The following ALOXE3 variants were observed in gnomAD, a reference collection of about 807,000 sequenced individuals.
ALOXE3 encodes hydroperoxide isomerase ALOXE3.
In ALOXE3, 78 loss-of-function variants were observed where a neutral mutation model predicts 87.5. The ratio of observed to expected loss-of-function variants is 0.89; its 90% CI spans 0.74 to 1.08. The LOEUF (loss-of-function observed/expected upper bound fraction) is 1.08. Ranked by LOEUF, ALOXE3 falls within the 50% of genes least tolerant of loss-of-function variation. The pLI is 0.00. For synonymous variants in ALOXE3, 363 were observed against 370.8 expected (o/e 0.98, Z 0.24); for missense variants, 946 against 912.4 (o/e 1.04, Z -0.47).
chr17:8,111,268 C>A, intron 8 of ALOXE3, 91 bp downstream of exon 8: 1 of 1,522,156 alleles, frequency 6.6e-7, no homozygotes. Flanking sequence ...CAGCCCAGGC[C>A]ATTTCCATAC....
intron 13 of ALOXE3, among the ~76,000 whole-genome samples, 182 bp downstream of exon 13, chr17:8,108,286 G>A (rs1288187202): frequency 6.6e-6 from 1 of 152,186 alleles, no homozygotes; most frequent in African/African-American, 2.4e-5. Context: ...GGAGACAGTC[G>A]GAGCTGGCTC....
intron 13 of ALOXE3, among the ~76,000 whole-genome samples, chr17:8,108,057 A>T (rs537573379): frequency 6.7e-6 from 1 of 149,644 alleles, no homozygotes; most frequent in South Asian, 2.1e-4. Context: ...GAAAGAAAGA[A>T]AGAAAGAAAG....
At chr17:8,105,255 T>C (rs1239014935) in intron 13 of ALOXE3, among the ~76,000 whole-genome samples, 5 of 152,200 alleles carry the variant, frequency 3.3e-5, no homozygotes, top group Non-Finnish European at 1.5e-5. Flanking sequence ...AGTTCTCAAA[T>C]GCACCAGCAC....
chr17:8,110,037 G>A, intron 10 of ALOXE3, 35 bp from the exon 11 acceptor site: 1 of 1,572,966 alleles, frequency 6.4e-7, no homozygotes. Flanking sequence ...GCTGAAGGCC[G>A]GGGACAAGGC....
At chr17:8,104,059 G>A in intron 14 of ALOXE3, 56 bp downstream of exon 14, 1 of 1,504,858 alleles carries the variant, frequency 6.6e-7, no homozygotes, top group Non-Finnish European at 9.2e-7. Context: ...CCAAATTCAG[G>A]CCTCAAGTCC....
chr17:8,118,796 C>T (rs908419647), upstream of ALOXE3: 2 of 1,537,022 alleles, frequency 1.3e-6, no homozygotes. Context: ...GCTCCAGGAC[C>T]GCCCTGGGCC....
Position 8,118,138 on chromosome 17 carries a change from C to G in ALOXE3, c.-148G>C. On this transcript the variant is annotated 5_prime_UTR_variant, in exon 2 of 16. Coordinates refer to ENST00000448843, the MANE Select transcript of ALOXE3 (RefSeq NM_021628.3). ...GGTAGGGCTGAGGATGGGCCCAGCT[C>G]TCTCTGGGATGTTCCTGGGCTTTCT... 1 of 1,551,536 alleles carries G rather than the reference C, an allele frequency of 6.4e-7. No individual in the cohort carries two copies. Among genetic ancestry groups the G allele is most frequent in the Non-Finnish European group, 8.7e-7 (1 of 1,147,102 alleles).
intron 15 of ALOXE3, among the ~76,000 whole-genome samples, chr17:8,098,877 G>T (rs1039979293): frequency 6.6e-6 from 1 of 151,876 alleles, no homozygotes; most frequent in African/African-American, 2.4e-5. Flanking sequence ...TTTAAACAGG[G>T]TCTCACTCTG....
rs564434792 is a variant in ALOXE3 at position 8,114,586 on chromosome 17, C to G, written c.578G>C (p.Gly193Ala). 1 of 1,613,880 alleles carries G rather than the reference C, an allele frequency of 6.2e-7. No homozygotes were observed. Among genetic ancestry groups the G allele is most frequent in the East Asian group, 2.2e-5 (1 of 44,872 alleles). The change falls in exon 6 of 16, where the codon GGC (glycine) becomes GCC (alanine). Residue 193 changes from glycine to alanine, a missense_variant. Physicochemically the swap from Gly to Ala is moderately conservative, Grantham distance 60. Transcript: ENST00000448843. ...TGGGATGTCAATTTTCATGGGGAAG[C>G]CGGGCAGGTACCGATTCCCACTGCT... ...GDSSGNRYLP[G>A]FPMKIDIPSL...
intron 4 of ALOXE3, 142 bp from the exon 5 acceptor site, chr17:8,115,199 G>A (rs1043006045): frequency 1.3e-5 from 16 of 1,189,286 alleles, no homozygotes; most frequent in Non-Finnish European, 1.9e-5. Context: ...ATTTCTCCAT[G>A]AAAGCACTGG....
In ALOXE3 at chr17:8,116,772, C is replaced by T. The variant is rs750695234; in HGVS notation, c.352+4G>A. 4 of 1,614,138 alleles carry T rather than the reference C, an allele frequency of 2.5e-6. No homozygotes were observed. In the South Asian group the frequency reaches 3.3e-5, roughly 13 times the overall value. On this transcript the variant is annotated splice_donor_region_variant and intron_variant, in intron 3 of 15. Transcript: ENST00000448843. The stretch of plus-strand genomic sequence containing the variant: ...GTACAGTGTAGTCCTCGTCTCTGGC[C>T]CACCTGTTCCTGGCCTCAGCTCCAC...
intron 11 of ALOXE3, 74 bp from the exon 12 acceptor site, chr17:8,109,417 G>A: frequency 6.3e-7 from 1 of 1,577,076 alleles, no homozygotes; most frequent in Non-Finnish European, 8.6e-7. Flanking sequence ...AGATGGGGCT[G>A]GGGACTCGGC....
At chr17:8,111,338 A>G (rs776242800) in intron 8 of ALOXE3, 21 bp downstream of exon 8, 6 of 1,612,256 alleles carry the variant, frequency 3.7e-6, no homozygotes, top group South Asian at 1.1e-5. Flanking sequence ...TATCAGGCCC[A>G]CTGCCCAGAT....
At chr17:8,099,173 C>T (rs1280194808) in intron 15 of ALOXE3, among the ~76,000 whole-genome samples, 2 of 151,664 alleles carry the variant, frequency 1.3e-5, no homozygotes, top group South Asian at 2.1e-4. Context: ...ATTTCATTTT[C>T]GTAATAACAG....
chr17:8,105,711 T>C (rs1160677329), intron 13 of ALOXE3, among the ~76,000 whole-genome samples: 1 of 152,044 alleles, frequency 6.6e-6, no homozygotes. Context: ...GAGACCAGCC[T>C]GGGCAACATA....
chr17:8,110,379 G>A lies in ALOXE3; in HGVS notation c.1101+6C>T, dbSNP rs780426409. 13 of 1,605,376 alleles carry A rather than the reference G, an allele frequency of 8.1e-6. No individual in the cohort carries two copies. Among genetic ancestry groups the A allele is most frequent in the Non-Finnish European group, 5.1e-6 (6 of 1,174,652 alleles). ...CCCCATCCCGGGGCGGCGGCGCCGG[G>A]CTCACCTGGATGGCCAAGGGCACCA... On this transcript the variant is annotated splice_donor_region_variant and intron_variant, in intron 9 of 15. Coordinates refer to ENST00000448843, the MANE Select transcript of ALOXE3 (RefSeq NM_021628.3).
chr17:8,106,132 G>T (rs1263851137), intron 13 of ALOXE3, among the ~76,000 whole-genome samples: 3 of 151,934 alleles, frequency 2.0e-5, no homozygotes, highest in African/African-American at 7.3e-5. Flanking sequence ...TTGAGAAGCA[G>T]CTGCCACAAT....
rs549736710 is a variant in ALOXE3, at chr17:8,107,836, A to G, written c.1684+632T>C. On this transcript the variant is annotated intron_variant, in intron 13 of 15. Coordinates refer to ENST00000448843, the MANE Select transcript of ALOXE3 (RefSeq NM_021628.3). ...AAGAAAGAAAGAAAGAAAGAAAGAA[A>G]GAAAGAAAGAAAGAAAGAAAGAAAG... 4.8e-3 allele frequency among the ~76,000 whole-genome samples: 11 copies of G among 2,306 alleles called. 1 individual carries two copies. The South Asian group carries it at 0.096, about 20-fold the overall frequency. 1.5% of individuals were successfully genotyped at this position (2,306 alleles called of 152,430 possible).
intron 15 of ALOXE3, among the ~76,000 whole-genome samples, chr17:8,101,869 G>A (rs1390339748): frequency 6.6e-6 from 1 of 152,032 alleles, no homozygotes; most frequent in Non-Finnish European, 1.5e-5. Flanking sequence ...TGAATTCCTA[G>A]GCTCAAGCAA....
Sources: gnomAD v4.1 joint callset for allele counts (sites outside exome capture counted in the v4.1 genomes callset) on GRCh38, gnomAD v4.1.1 for gene constraint, MANE v1.5 for transcripts, NCBI Gene and HGNC (gene_info 2026-07-23, HGNC 2026-07-21) for gene names.